HCN1: variants seen among roughly 807,000 people sequenced by gnomAD.
HCN1 encodes potassium/sodium hyperpolarization-activated cyclic nucleotide-gated channel 1.
Under a neutral mutation model 78.9 loss-of-function variants are expected in HCN1, and 13 were observed. The ratio of observed to expected loss-of-function variants is 0.16; its 90% CI spans 0.11 to 0.26. The LOEUF (loss-of-function observed/expected upper bound fraction) is 0.26. Ranked by LOEUF, HCN1 falls within the 10% of genes least tolerant of loss-of-function variation. The probability of loss-of-function intolerance (pLI) is 1.00; values close to 1 mark genes in which losing one functional copy is unlikely to be tolerated. For synonymous variants in HCN1, 552 were observed against 455.5 expected (o/e 1.21, Z -2.70); for missense variants, 810 against 1,154.3 (o/e 0.70, Z 4.32).
At chr5:45,668,817 C>T (rs1746098446) in intron 1 of HCN1, among the ~76,000 whole-genome samples, 1 of 151,724 alleles carries the variant, frequency 6.6e-6, no homozygotes, top group Admixed American at 6.6e-5. Flanking sequence ...TCCCTTAAAA[C>T]AATTTTATAA....
At chr5:45,295,476 A>G (rs1051121311) in intron 6 of HCN1, among the ~76,000 whole-genome samples, 1 of 152,040 alleles carries the variant, frequency 6.6e-6, no homozygotes, top group Non-Finnish European at 1.5e-5. Context: ...ACCTCTGCTA[A>G]GAAGACTGGA....
Position 45,640,484 on chromosome 5 carries a change from G to A in HCN1, c.849+4701C>T, listed in dbSNP as rs547423768. Among the ~76,000 whole-genome samples, 9 of 152,088 alleles carry A rather than the reference G, an allele frequency of 5.9e-5. No individual in the cohort carries two copies. In the East Asian group the frequency reaches 1.7e-3, roughly 29 times the overall value. On this transcript the variant is annotated intron_variant, in intron 2 of 7. Coordinates refer to ENST00000303230, the MANE Select transcript of HCN1 (RefSeq NM_021072.4). ...AAATTATCATGAACAAATGCATGTA[G>A]AGCCAGTAGAAATTTTCACTGGAAA... is the stretch of plus-strand genomic sequence containing the variant.
chr5:45,313,818 A>C (rs1474740957), intron 5 of HCN1, among the ~76,000 whole-genome samples: 1 of 152,196 alleles, frequency 6.6e-6, no homozygotes, highest in Non-Finnish European at 1.5e-5. Flanking sequence ...GTTTAGAGAA[A>C]GAAAAGTAAA....
chr5:45,327,291 A>T (rs1202327769), intron 5 of HCN1, among the ~76,000 whole-genome samples: 1 of 151,774 alleles, frequency 6.6e-6, no homozygotes, highest in Non-Finnish European at 1.5e-5. Context: ...TGAACTAAAA[A>T]ATATTATTAA....
At chr5:45,331,587 A>G (rs1007765337) in intron 5 of HCN1, among the ~76,000 whole-genome samples, 1 of 151,318 alleles carries the variant, frequency 6.6e-6, no homozygotes, top group Non-Finnish European at 1.5e-5. Flanking sequence ...TCTGAATTCA[A>G]CTCAAGAGCT....
intron 3 of HCN1, among the ~76,000 whole-genome samples, chr5:45,405,280 T>C (rs1040744374): frequency 6.6e-6 from 1 of 152,160 alleles, no homozygotes; most frequent in Non-Finnish European, 1.5e-5. Context: ...TAACAGGTCA[T>C]CAGTGTCAAA....
chr5:45,486,697 T>C (rs1273541329), intron 2 of HCN1, among the ~76,000 whole-genome samples: 1 of 152,088 alleles, frequency 6.6e-6, no homozygotes, highest in Admixed American at 6.5e-5. Context: ...TGAAAAACTA[T>C]CTTCATAGCT....
chr5:45,439,463 A>G (rs934828632), intron 3 of HCN1, among the ~76,000 whole-genome samples: 5 of 152,180 alleles, frequency 3.3e-5, no homozygotes, highest in African/African-American at 1.2e-4. Flanking sequence ...GTAAGTTTTT[A>G]TCTTTTAGCA....
intron 4 of HCN1, among the ~76,000 whole-genome samples, chr5:45,391,026 A>AT (rs923633717): frequency 9.3e-4 from 141 of 152,252 alleles, no homozygotes; most frequent in African/African-American, 3.2e-3. Flanking sequence ...CCAATTTAAC[A>AT]TACCACGGTA....
At chr5:45,542,355 C>G (rs767210927) in intron 2 of HCN1, among the ~76,000 whole-genome samples, 1 of 151,968 alleles carries the variant, frequency 6.6e-6, no homozygotes. Context: ...GTATTTTGGA[C>G]AAGGGTAAAT....
In HCN1 at chr5:45,449,086, C is replaced by T. The variant is rs1417692408; in HGVS notation, c.1011+12760G>A. On this transcript the variant is annotated intron_variant, in intron 3 of 7. Coordinates refer to ENST00000303230, the MANE Select transcript of HCN1 (RefSeq NM_021072.4). ...TCACACCACTGCACTCCAGCCTGGG[C>T]GATGGAGTGACCTGTCTGAAATAAA... Among the ~76,000 whole-genome samples, 5 of 152,052 alleles carry T rather than the reference C, an allele frequency of 3.3e-5. No homozygotes were observed. In the East Asian group the frequency reaches 7.7e-4, roughly 23 times the overall value.
At chr5:45,438,318 G>T (rs1051588592) in intron 3 of HCN1, among the ~76,000 whole-genome samples, 1 of 152,134 alleles carries the variant, frequency 6.6e-6, no homozygotes, top group Non-Finnish European at 1.5e-5. Flanking sequence ...AAGAGCTCTT[G>T]AGGTAGGGAA....
intron 2 of HCN1, among the ~76,000 whole-genome samples, chr5:45,488,697 A>G (rs1741819771): frequency 6.6e-6 from 1 of 152,180 alleles, no homozygotes; most frequent in African/African-American, 2.4e-5. Context: ...CTACTGAGAA[A>G]GATGTAGTAA....
At chr5:45,391,234 A>C (rs1739555678) in intron 4 of HCN1, among the ~76,000 whole-genome samples, 1 of 152,170 alleles carries the variant, frequency 6.6e-6, no homozygotes, top group Non-Finnish European at 1.5e-5. Flanking sequence ...CTTCCCCTTA[A>C]GAATAATCCT....
At chr5:45,607,660 G>A (rs535128736) in intron 2 of HCN1, among the ~76,000 whole-genome samples, 11 of 150,590 alleles carry the variant, frequency 7.3e-5, no homozygotes, top group South Asian at 4.2e-4. Context: ...GATAAATACA[G>A]AAAGGGTATT....
At chr5:45,640,347 C>G (rs1745429253) in intron 2 of HCN1, among the ~76,000 whole-genome samples, 1 of 152,082 alleles carries the variant, frequency 6.6e-6, no homozygotes, top group African/African-American at 2.4e-5. Context: ...GTTTATAACC[C>G]TGCACTAATA....
intron 6 of HCN1, among the ~76,000 whole-genome samples, chr5:45,277,591 C>A (rs1324090068): frequency 1.3e-5 from 2 of 152,088 alleles, no homozygotes; most frequent in East Asian, 3.8e-4. Context: ...GAAACTCTTT[C>A]TCACATTAAA....
At chr5:45,378,571 A>T (rs1747738200) in intron 4 of HCN1, among the ~76,000 whole-genome samples, 1 of 152,054 alleles carries the variant, frequency 6.6e-6, no homozygotes, top group African/African-American at 2.4e-5. Context: ...CTATCCATTC[A>T]TTGATTAATT....
intron 4 of HCN1, among the ~76,000 whole-genome samples, chr5:45,368,244 C>A (rs1049235478): frequency 6.6e-6 from 1 of 152,078 alleles, no homozygotes; most frequent in African/African-American, 2.4e-5. Context: ...CTAATTTGAT[C>A]TTTTCTTCTA....
Sources: allele counts gnomAD v4.1 joint callset (sites outside exome capture counted in the v4.1 genomes callset), GRCh38; gene constraint gnomAD v4.1.1; transcripts MANE v1.5; gene names NCBI Gene and HGNC (gene_info 2026-07-23, HGNC 2026-07-21).